Variants in NDUFAF2 observed in about 807,000 individuals in gnomAD.
NDUFAF2 encodes the protein NADH dehydrogenase [ubiquinone] 1 alpha subcomplex assembly factor 2.
A neutral mutation model predicts 22.8 loss-of-function variants in NDUFAF2; 13 were observed. The ratio of observed to expected loss-of-function variants is 0.57; its 90% CI spans 0.37 to 0.91. The LOEUF (loss-of-function observed/expected upper bound fraction) is 0.91. NDUFAF2 is among the 40% of genes least tolerant of loss of function. The pLI is 0.01. For missense variants in NDUFAF2, 162 were observed against 195.2 expected (o/e 0.83, Z 1.01); for synonymous variants, 53 against 64.2 (o/e 0.83, Z 0.84).
chr5:60,996,300 G>T (rs567384544), intron 1 of NDUFAF2, among the ~76,000 whole-genome samples: 1 of 152,264 alleles, frequency 6.6e-6, no homozygotes, highest in South Asian at 2.1e-4. Flanking sequence ...AAGGCAGGGG[G>T]TTTCCTTCTG....
At chr5:61,145,877 G>A (rs536602198) in intron 3 of NDUFAF2, 203 of 152,144 alleles carry the variant, frequency 1.3e-3, no homozygotes, top group African/African-American at 4.7e-3. Context: ...TTCACTCCAG[G>A]AGACTCTTTA....
At chr5:61,018,266 A>G (rs957553164) in intron 1 of NDUFAF2, among the ~76,000 whole-genome samples, 1 of 152,220 alleles carries the variant, frequency 6.6e-6, no homozygotes, top group South Asian at 2.1e-4. Context: ...GAACTTAGCC[A>G]TAAAAGAGTA....
intron 2 of NDUFAF2, 147 bp downstream of exon 2, chr5:61,073,361 T>C: frequency 1.5e-6 from 1 of 670,792 alleles, no homozygotes; most frequent in East Asian, 2.7e-5. Flanking sequence ...TTTTTAACAT[T>C]GCATTTCTTT....
chr5:61,110,768 CTTG>C (rs1469942573), intron 3 of NDUFAF2, among the ~76,000 whole-genome samples: 3 of 151,888 alleles, frequency 2.0e-5, no homozygotes, highest in Non-Finnish European at 4.4e-5. Context: ...AATGACTTTT[CTTG>C]TTGTTGGTCT....
intron 1 of NDUFAF2, among the ~76,000 whole-genome samples, chr5:61,012,211 T>A (rs1405527700): frequency 6.6e-6 from 1 of 152,108 alleles, no homozygotes; most frequent in Admixed American, 6.6e-5. Flanking sequence ...CTGGCTTCAG[T>A]TGCTGTATAT....
At chr5:61,004,172 A>T (rs930156802) in intron 1 of NDUFAF2, among the ~76,000 whole-genome samples, 1 of 151,990 alleles carries the variant, frequency 6.6e-6, no homozygotes, top group Non-Finnish European at 1.5e-5. Flanking sequence ...TGTGTTCACT[A>T]AGTTTTCTGT....
chr5:61,118,254 C>T (rs1170549406), intron 3 of NDUFAF2, among the ~76,000 whole-genome samples: 1 of 152,178 alleles, frequency 6.6e-6, no homozygotes, highest in African/African-American at 2.4e-5. Context: ...GAGAGTGAAT[C>T]TCTCTTGAGG....
chr5:61,038,237 C>G (rs1241248612), intron 1 of NDUFAF2, among the ~76,000 whole-genome samples: 8 of 152,010 alleles, frequency 5.3e-5, no homozygotes, highest in Non-Finnish European at 1.2e-4. Flanking sequence ...ATAAAATACT[C>G]TAAAAGACAT....
At chr5:60,996,729 C>T (rs1751233522) in intron 1 of NDUFAF2, among the ~76,000 whole-genome samples, 1 of 152,102 alleles carries the variant, frequency 6.6e-6, no homozygotes, top group South Asian at 2.1e-4. Flanking sequence ...TAGTGATTCC[C>T]CTCTGGCTAG....
intron 1 of NDUFAF2, among the ~76,000 whole-genome samples, chr5:61,025,239 T>C (rs1751635104): frequency 6.6e-6 from 1 of 152,060 alleles, no homozygotes; most frequent in African/African-American, 2.4e-5. Context: ...AACTGGCACA[T>C]AGGAGATGTT....
intron 2 of NDUFAF2, among the ~76,000 whole-genome samples, chr5:61,074,955 CTTATAAAGCCA>C (rs1054357630): frequency 5.3e-5 from 8 of 152,124 alleles, no homozygotes; most frequent in African/African-American, 1.9e-4. Context: ...CTTCCAAATA[CTTATAAAGCCA>C]TCAGATCTCA....
intron 3 of NDUFAF2, among the ~76,000 whole-genome samples, chr5:61,151,921 A>T (rs1013861876): frequency 2.0e-5 from 3 of 152,246 alleles, no homozygotes; most frequent in Non-Finnish European, 4.4e-5. Flanking sequence ...AAATATTAAT[A>T]TCTCTGAAAC....
intron 3 of NDUFAF2, chr5:61,115,701 T>G (rs1752903946): frequency 6.6e-6 from 1 of 152,138 alleles, no homozygotes; most frequent in Non-Finnish European, 1.5e-5. Flanking sequence ...AAAGGACTGA[T>G]ACATGACAGC....
At chr5:61,125,330 A>T (rs1176969952) in intron 3 of NDUFAF2, among the ~76,000 whole-genome samples, 2 of 150,926 alleles carry the variant, frequency 1.3e-5, no homozygotes, top group African/African-American at 4.9e-5. Context: ...TATGCACTGT[A>T]TTTTTTTTTA....
chr5:61,007,146 T>G (rs1331182916), intron 1 of NDUFAF2, among the ~76,000 whole-genome samples: 2 of 152,002 alleles, frequency 1.3e-5, no homozygotes, highest in African/African-American at 4.8e-5. Flanking sequence ...CAATTTTGGC[T>G]TTTGTTGCCA....
intron 1 of NDUFAF2, among the ~76,000 whole-genome samples, chr5:60,992,643 ATTAT>A (rs1751175955): frequency 6.6e-6 from 1 of 151,966 alleles, no homozygotes; most frequent in Admixed American, 6.6e-5. Flanking sequence ...CCTTCTGGTG[ATTAT>A]TTATTGCTCA....
At chr5:61,056,322 A>G (rs1580115640) in intron 1 of NDUFAF2, among the ~76,000 whole-genome samples, 3 of 152,298 alleles carry the variant, frequency 2.0e-5, no homozygotes, top group Middle Eastern at 6.8e-3. Flanking sequence ...TGTAGTGTTT[A>G]TCTTTTTGAG....
intron 2 of NDUFAF2, among the ~76,000 whole-genome samples, chr5:61,078,275 G>A (rs920568425): frequency 2.7e-5 from 3 of 112,834 alleles, no homozygotes; most frequent in African/African-American, 6.1e-5. Flanking sequence ...CAATAGTTAA[G>A]TAAATATAAG....
intron 1 of NDUFAF2, among the ~76,000 whole-genome samples, chr5:60,985,288 C>G (rs560858552): frequency 6.6e-6 from 1 of 151,920 alleles, no homozygotes; most frequent in South Asian, 2.1e-4. Context: ...TCTTTGTTTT[C>G]TTCTTTGTTA....
Sources: allele counts gnomAD v4.1 joint callset (sites outside exome capture counted in the v4.1 genomes callset), GRCh38; gene constraint gnomAD v4.1.1; transcripts MANE v1.5; gene names NCBI Gene and HGNC (gene_info 2026-07-23, HGNC 2026-07-21).